RSPO2: variants seen among roughly 807,000 people sequenced by gnomAD.
RSPO2 encodes R-spondin 2.
Under a neutral mutation model 30.9 loss-of-function variants are expected in RSPO2, and 14 were observed. The ratio of observed to expected loss-of-function variants is 0.45; its 90% CI spans 0.30 to 0.71. RSPO2 has a LOEUF of 0.71. Ranked by LOEUF, RSPO2 falls within the 30% of genes least tolerant of loss-of-function variation. The pLI is 0.08. For missense variants in RSPO2, 264 were observed against 301.9 expected, an observed-to-expected ratio of 0.87 and a Z score of 0.93; for synonymous variants, 107 against 96.4, an observed-to-expected ratio of 1.11 and a Z score of -0.64.
chr8:107,963,522 C>CAAAA (rs61697128), intron 3 of RSPO2, among the ~76,000 whole-genome samples: 863 of 32,012 alleles, frequency 0.027, 294 homozygotes, highest in Middle Eastern at 0.031. Flanking sequence ...AGACCTGTCT[C>CAAAA]AAAAAAAAAA....
chr8:108,080,752 G>T (rs1450249903), intron 2 of RSPO2, among the ~76,000 whole-genome samples: 3 of 152,176 alleles, frequency 2.0e-5, no homozygotes. Context: ...CACTGAATTA[G>T]CAAGTCATCT....
intron 2 of RSPO2, among the ~76,000 whole-genome samples, chr8:108,066,941 C>A (rs1028493203): frequency 2.0e-5 from 3 of 152,100 alleles, no homozygotes; most frequent in African/African-American, 7.2e-5. Context: ...CACTCAGTAT[C>A]ACCTACACAG....
chr8:108,047,646 G>A (rs753177659), intron 2 of RSPO2, among the ~76,000 whole-genome samples: 2 of 152,016 alleles, frequency 1.3e-5, no homozygotes, highest in South Asian at 2.1e-4. Context: ...TCAGGAGTTC[G>A]AGACCACCCT....
chr8:107,934,786 T>C (rs1812661662), intron 5 of RSPO2, among the ~76,000 whole-genome samples: 5 of 152,220 alleles, frequency 3.3e-5, no homozygotes, highest in Admixed American at 3.3e-4. Flanking sequence ...AATACTTTTA[T>C]AATTTCTTAT....
intron 5 of RSPO2, among the ~76,000 whole-genome samples, chr8:107,935,007 T>C (rs112949183): frequency 1.1e-4 from 16 of 152,314 alleles, no homozygotes; most frequent in African/African-American, 3.8e-4. Flanking sequence ...TTGAACAATA[T>C]GAAATCTGGG....
chr8:108,069,724 G>T lies in RSPO2; in HGVS notation c.94+12821C>A, dbSNP rs149717551. Reference sequence around the variant, plus strand: ...AGAAAATATTGTTTCAGACAAGGCTGAAGACAGGTTCCTTCTGTATACCCA... The same window carrying T: ...AGAAAATATTGTTTCAGACAAGGCTTAAGACAGGTTCCTTCTGTATACCCA... On this transcript the variant is annotated intron_variant, in intron 2 of 5. Coordinates refer to ENST00000276659, the MANE Select transcript of RSPO2 (RefSeq NM_178565.5). Among the ~76,000 whole-genome samples the T allele has an allele frequency of 7.4e-4, 112 of 152,306 alleles. 1 individual carries two copies. The highest frequency in any genetic ancestry group is 2.6e-3 in the African/African-American group (109 of 41,574).
chr8:108,033,533 T>G (rs1183594098), intron 2 of RSPO2, among the ~76,000 whole-genome samples: 3 of 152,186 alleles, frequency 2.0e-5, no homozygotes, highest in Non-Finnish European at 2.9e-5. Flanking sequence ...TCTCACATAT[T>G]TTGAATAAAA....
At chr8:108,047,187 G>A (rs1307273600) in intron 2 of RSPO2, among the ~76,000 whole-genome samples, 1 of 152,156 alleles carries the variant, frequency 6.6e-6, no homozygotes, top group Non-Finnish European at 1.5e-5. Context: ...TATAATACTT[G>A]TTATCAGTAT....
Position 107,950,752 on chromosome 8 carries a change from T to TAA in RSPO2, c.616+7326_616+7327dup, listed in dbSNP as rs10599629. On this transcript the variant is annotated intron_variant, in intron 5 of 5. Coordinates refer to ENST00000276659, the MANE Select transcript of RSPO2 (RefSeq NM_178565.5). Reference sequence around the variant, plus strand: ...TTTACATTTTTAGGTTAATTAATGGTAAAAAAAAAAAAAAAAAATTTGACA... The same window carrying TAA: ...TTTACATTTTTAGGTTAATTAATGGTAAAAAAAAAAAAAAAAAAAATTTGACA... Among the ~76,000 whole-genome samples, 708 of 142,094 alleles carry TAA rather than the reference T, an allele frequency of 5.0e-3. 7 individuals carry two copies. The highest frequency in any genetic ancestry group is 0.016 in the African/African-American group (616 of 39,692). The allele number at this position is 142,094 out of a possible 152,430, so 93.2% of individuals were successfully genotyped here. A position where few individuals can be genotyped will look rare whatever the true frequency, so the allele number is the denominator to read the frequency against.
intron 2 of RSPO2, among the ~76,000 whole-genome samples, chr8:108,021,093 C>G (rs1268376020): frequency 1.3e-5 from 2 of 152,158 alleles, no homozygotes; most frequent in African/African-American, 4.8e-5. Flanking sequence ...AACATACAGT[C>G]TAACTTAACA....
At chr8:108,020,490 A>T (rs915584816) in intron 2 of RSPO2, among the ~76,000 whole-genome samples, 1 of 152,226 alleles carries the variant, frequency 6.6e-6, no homozygotes, top group African/African-American at 2.4e-5. Context: ...GCTATGTCTC[A>T]TCTGTGCACA....
At chr8:108,054,939 C>A (rs1394087861) in intron 2 of RSPO2, among the ~76,000 whole-genome samples, 1 of 151,948 alleles carries the variant, frequency 6.6e-6, no homozygotes. Flanking sequence ...CAAAGCAAAA[C>A]CCTGTCTCTA....
At chr8:107,913,616 C>T (rs953826283) in intron 5 of RSPO2, among the ~76,000 whole-genome samples, 2 of 152,154 alleles carry the variant, frequency 1.3e-5, no homozygotes, top group Non-Finnish European at 2.9e-5. Flanking sequence ...AGAGACAGCA[C>T]ATTTCCAAGG....
At chr8:108,004,518 A>C (rs1258127963) in intron 2 of RSPO2, among the ~76,000 whole-genome samples, 3 of 152,226 alleles carry the variant, frequency 2.0e-5, no homozygotes, top group Non-Finnish European at 2.9e-5. Context: ...GAGGAATGAA[A>C]TGAACAGTTT....
At chr8:107,906,059 G>GA (rs1342688696) in intron 5 of RSPO2, among the ~76,000 whole-genome samples, 11 of 151,946 alleles carry the variant, frequency 7.2e-5, no homozygotes, top group Admixed American at 7.2e-4. Context: ...AGAATGTCAT[G>GA]AGACAGGCAA....
intron 5 of RSPO2, among the ~76,000 whole-genome samples, chr8:107,933,016 GA>G (rs1812597989): frequency 6.6e-6 from 1 of 152,148 alleles, no homozygotes; most frequent in Non-Finnish European, 1.5e-5. Flanking sequence ...GTGGGTGGCT[GA>G]AAGGACAGAT....
chr8:108,020,328 T>C (rs539226401), intron 2 of RSPO2, among the ~76,000 whole-genome samples: 1 of 152,326 alleles, frequency 6.6e-6, no homozygotes, highest in Admixed American at 6.5e-5. Flanking sequence ...ACGCCTTTCA[T>C]GCTCCCAACT....
intron 5 of RSPO2, among the ~76,000 whole-genome samples, chr8:107,920,636 C>T (rs1461512391): frequency 6.6e-6 from 1 of 152,106 alleles, no homozygotes; most frequent in Non-Finnish European, 1.5e-5. Flanking sequence ...GATTGAAATA[C>T]TGTGGTTCTT....
intron 5 of RSPO2, among the ~76,000 whole-genome samples, chr8:107,940,927 A>G (rs1413776709): frequency 6.6e-6 from 1 of 152,172 alleles, no homozygotes; most frequent in Non-Finnish European, 1.5e-5. Context: ...TGAACCTTCA[A>G]ACAATTGGAA....
Sources: allele counts gnomAD v4.1 joint callset (sites outside exome capture counted in the v4.1 genomes callset), GRCh38; gene constraint gnomAD v4.1.1; transcripts MANE v1.5; gene names NCBI Gene and HGNC (gene_info 2026-07-23, HGNC 2026-07-21).